The following ANGPT1 variants were observed in gnomAD, a reference collection of about 807,000 sequenced individuals.
ANGPT1 encodes the protein angiopoietin 1.
ANGPT1 carries 17 observed loss-of-function variants against 62.2 expected under a neutral mutation model. The ratio of observed to expected loss-of-function variants is 0.27; its 90% CI spans 0.19 to 0.41. The LOEUF (loss-of-function observed/expected upper bound fraction) is 0.41, where lower values mean the gene tolerates loss of function less well. ANGPT1 is among the 10% of genes least tolerant of loss of function. ANGPT1 has a pLI of 1.00. For synonymous variants in ANGPT1, 199 were observed against 198.9 expected (o/e 1.00, Z 0.00); for missense variants, 478 against 594.9 (o/e 0.80, Z 2.04).
At chr8:107,294,801 G>T (rs2130184680) in intron 5 of ANGPT1, 1 of 152,216 alleles carries the variant, frequency 6.6e-6, no homozygotes, top group South Asian at 2.1e-4. Flanking sequence ...TTCCCCCAGG[G>T]TCTACCCAAG....
At chr8:107,355,297 T>A (rs1409671068) in intron 1 of ANGPT1, among the ~76,000 whole-genome samples, 1 of 152,142 alleles carries the variant, frequency 6.6e-6, no homozygotes, top group Admixed American at 6.6e-5. Context: ...CTGACTAAGG[T>A]CAGACTCTCA....
At chr8:107,348,600 C>A (rs1815863479) in intron 1 of ANGPT1, among the ~76,000 whole-genome samples, 1 of 152,194 alleles carries the variant, frequency 6.6e-6, no homozygotes, top group East Asian at 1.9e-4. Flanking sequence ...TATAATAAAT[C>A]TCTGAAAATT....
At chr8:107,494,942 G>A (rs1447964462) in intron 1 of ANGPT1, 4 of 152,134 alleles carry the variant, frequency 2.6e-5, no homozygotes, top group South Asian at 2.1e-4. Flanking sequence ...CTCAGTTTCT[G>A]CAGGGTGTTG....
At position 107,251,689 on chromosome 8, in the gene ANGPT1, A is replaced by T; in HGVS notation, c.*166T>A. The stretch of plus-strand genomic sequence containing the variant: ...CAAGTAGAGACTCTTGTGAACTCAA[A>T]CGGCTCCAGATTCACGGTCAAGAAC... On this transcript the variant is annotated 3_prime_UTR_variant, in exon 9 of 9. Transcript: ENST00000517746. 4 of 834,522 alleles carry T rather than the reference A, an allele frequency of 4.8e-6. No homozygotes were observed. Among genetic ancestry groups the T allele is most frequent in the Non-Finnish European group, 7.2e-6 (4 of 554,604 alleles). The allele number at this position is 834,522 out of a possible 1,614,324, so 51.7% of individuals were successfully genotyped here. A position where few individuals can be genotyped will look rare whatever the true frequency, so the allele number is the denominator to read the frequency against.
intron 7 of ANGPT1, among the ~76,000 whole-genome samples, chr8:107,270,277 C>T (rs1199646719): frequency 6.6e-6 from 1 of 151,954 alleles, no homozygotes; most frequent in Non-Finnish European, 1.5e-5. Context: ...TGAAGTTTGG[C>T]CTCAACCCTT....
chr8:107,340,058 G>A (rs1223707457), intron 2 of ANGPT1, among the ~76,000 whole-genome samples: 1 of 152,134 alleles, frequency 6.6e-6, no homozygotes, highest in Non-Finnish European at 1.5e-5. Flanking sequence ...TCTGAAGCGG[G>A]CAACCAAGAG....
chr8:107,468,507 T>C (rs913434330), intron 1 of ANGPT1, among the ~76,000 whole-genome samples: 2 of 152,098 alleles, frequency 1.3e-5, no homozygotes, highest in African/African-American at 4.8e-5. Context: ...TTGGATTTCT[T>C]ATTTTTTAAG....
At chr8:107,325,865 G>A (rs1400272219) in intron 3 of ANGPT1, among the ~76,000 whole-genome samples, 1 of 152,062 alleles carries the variant, frequency 6.6e-6, no homozygotes, top group East Asian at 1.9e-4. Flanking sequence ...AAGAAGGTGG[G>A]CTTGTTTGAT....
At chr8:107,442,924 C>A (rs1426673637) in intron 1 of ANGPT1, among the ~76,000 whole-genome samples, 1 of 152,146 alleles carries the variant, frequency 6.6e-6, no homozygotes, top group Non-Finnish European at 1.5e-5. Context: ...TTTTTGGTAA[C>A]ACCTGCACAG....
At chr8:107,330,821 A>G (rs762169024) in intron 3 of ANGPT1, among the ~76,000 whole-genome samples, 1 of 152,132 alleles carries the variant, frequency 6.6e-6, no homozygotes, top group South Asian at 2.1e-4. Context: ...GATGAGCCTT[A>G]GATTTCCAAT....
intron 1 of ANGPT1, among the ~76,000 whole-genome samples, chr8:107,451,946 T>C (rs943663208): frequency 6.6e-6 from 1 of 151,974 alleles, no homozygotes; most frequent in African/African-American, 2.4e-5. Flanking sequence ...TTTGTTTTTC[T>C]CTTTGTTTTC....
intron 1 of ANGPT1, among the ~76,000 whole-genome samples, chr8:107,388,018 G>T (rs1816764939): frequency 7.1e-6 from 1 of 140,326 alleles, no homozygotes; most frequent in African/African-American, 2.5e-5. Flanking sequence ...ATAATTGCCA[G>T]TAATCTATAT....
At chr8:107,360,297 A>T (rs73702048) in intron 1 of ANGPT1, among the ~76,000 whole-genome samples, 7,759 of 152,142 alleles carry the variant, frequency 0.051, 642 homozygotes, top group African/African-American at 0.18. Flanking sequence ...TCTTCCTTTA[A>T]TTATTTCTCA....
Position 107,497,510 on chromosome 8 carries a change from T to C in ANGPT1, c.49A>G (p.Ile17Val), listed in dbSNP as rs757761501. ...CTTCGGCGCTGATTGCTGCACCCTA[T>C]GTGAGTCAGAATGGCAGCGAGGAAA... ...FAFLAAILTH[I>V]GCSNQRRSPE... The change falls in exon 1 of 9, where the codon ATA becomes GTA. Residue 17 changes from isoleucine (I) to valine (V), a missense_variant. Transcript: ENST00000517746. The C allele has an allele frequency of 3.7e-6, 6 of 1,614,000 alleles. No individual in the cohort carries two copies. In the Admixed American group the frequency reaches 8.3e-5, roughly 22 times the overall value.
intron 1 of ANGPT1, among the ~76,000 whole-genome samples, chr8:107,365,856 AACACACACAC>A (rs10627552): frequency 3.4e-5 from 5 of 147,084 alleles, no homozygotes; most frequent in South Asian, 4.4e-4. Context: ...AAACAAATAC[AACACACACAC>A]ACACACACAC....
In ANGPT1 at chr8:107,267,057, T is replaced by G. The variant is rs116290268; in HGVS notation, c.1206-2706A>C. Reference sequence around the variant, plus strand: ...TCTAAATATAAAATATTATTTATTTTTAAATATATACGTATCTGAACACAT... The same window carrying G: ...TCTAAATATAAAATATTATTTATTTGTAAATATATACGTATCTGAACACAT... On this transcript the variant is annotated intron_variant, in intron 7 of 8. Coordinates refer to ENST00000517746, the MANE Select transcript of ANGPT1 (RefSeq NM_001146.5). 6.8e-3 allele frequency among the ~76,000 whole-genome samples: 1,036 copies of G among 152,088 alleles called. 9 individuals are homozygous for G. The highest frequency in any genetic ancestry group is 0.023 in the African/African-American group (953 of 41,546).
chr8:107,381,964 G>C (rs1816646292), intron 1 of ANGPT1, among the ~76,000 whole-genome samples: 1 of 152,112 alleles, frequency 6.6e-6, no homozygotes, highest in Non-Finnish European at 1.5e-5. Flanking sequence ...GTAAGACATA[G>C]AGGAAAGACA....
intron 1 of ANGPT1, among the ~76,000 whole-genome samples, chr8:107,495,577 G>A (rs1404312344): frequency 6.6e-6 from 1 of 152,064 alleles, no homozygotes; most frequent in Non-Finnish European, 1.5e-5. Flanking sequence ...TTACGTTTTT[G>A]GTAGAATAGA....
chr8:107,472,279 C>T (rs2130500254), intron 1 of ANGPT1, among the ~76,000 whole-genome samples: 1 of 152,088 alleles, frequency 6.6e-6, no homozygotes, highest in Non-Finnish European at 1.5e-5. Context: ...CAAGTTTCTC[C>T]AGTGCAAAGT....
Sources: gnomAD v4.1 joint callset for allele counts (sites outside exome capture counted in the v4.1 genomes callset) on GRCh38, gnomAD v4.1.1 for gene constraint, MANE v1.5 for transcripts, NCBI Gene and HGNC (gene_info 2026-07-23, HGNC 2026-07-21) for gene names.